The following ETV6 variants were observed in gnomAD, a reference collection of about 807,000 sequenced individuals.
ETV6 encodes transcription factor ETV6.
A neutral mutation model predicts 51.1 loss-of-function variants in ETV6; 16 were observed. That is an observed-to-expected ratio of 0.31 (90% CI 0.21 to 0.48). The LOEUF is 0.48. ETV6 is among the 20% of genes least tolerant of loss of function. ETV6 has a pLI of 0.99. For missense variants in ETV6, 458 were observed against 594.8 expected (o/e 0.77, Z 2.39); for synonymous variants, 240 against 224.1 (o/e 1.07, Z -0.64).
chr12:11,782,138 T>C (rs748653244), intron 2 of ETV6, among the ~76,000 whole-genome samples: 8 of 152,210 alleles, frequency 5.3e-5, no homozygotes, highest in Non-Finnish European at 8.8e-5. Context: ...TGTCAAGTTA[T>C]TTGCTGAAAT....
At chr12:11,885,802 A>G (rs1947174867) in intron 6 of ETV6, 124 bp from the exon 7 acceptor site, 1 of 664,998 alleles carries the variant, frequency 1.5e-6, no homozygotes, top group South Asian at 2.0e-5. Context: ...AGCTTCCCAA[A>G]CTGGCAGGGC....
intron 1 of ETV6, among the ~76,000 whole-genome samples, chr12:11,723,856 A>C (rs2856325): frequency 0.93 from 141,143 of 152,150 alleles, 66,215 homozygotes; most frequent in Non-Finnish European, 1. Flanking sequence ...AAAATCTTTA[A>C]AACGAGTATT....
At chr12:11,826,989 T>A (rs1017849567) in intron 2 of ETV6, among the ~76,000 whole-genome samples, 9 of 152,026 alleles carry the variant, frequency 5.9e-5, no homozygotes, top group African/African-American at 1.9e-4. Flanking sequence ...TTGATAGGTC[T>A]ATAAAAGCCA....
At chr12:11,755,208 T>C (rs1367393409) in intron 2 of ETV6, among the ~76,000 whole-genome samples, 1 of 152,250 alleles carries the variant, frequency 6.6e-6, no homozygotes, top group African/African-American at 2.4e-5. Context: ...CTATCTGTTG[T>C]TGAATGGCTT....
At chr12:11,690,523 C>T (rs918757532) in intron 1 of ETV6, among the ~76,000 whole-genome samples, 3 of 151,950 alleles carry the variant, frequency 2.0e-5, no homozygotes, top group Admixed American at 6.6e-5. Flanking sequence ...CTCAGGAGTT[C>T]GAGTCTGCAG....
At chr12:11,839,512 A>T (rs1418991661) in intron 3 of ETV6, among the ~76,000 whole-genome samples, 1 of 152,220 alleles carries the variant, frequency 6.6e-6, no homozygotes, top group Non-Finnish European at 1.5e-5. Context: ...AAGGGGGAGA[A>T]TTTTAAGTTT....
intron 1 of ETV6, among the ~76,000 whole-genome samples, chr12:11,663,664 T>C (rs1262512793): frequency 6.6e-6 from 1 of 152,192 alleles, no homozygotes; most frequent in East Asian, 1.9e-4. Flanking sequence ...GCAAGCTGTT[T>C]CTAAGAGCAT....
At chr12:11,850,087 C>T (rs1946527710) in intron 3 of ETV6, among the ~76,000 whole-genome samples, 1 of 152,186 alleles carries the variant, frequency 6.6e-6, no homozygotes. Context: ...CATGTTCCCA[C>T]CCGTAGCCGC....
intron 1 of ETV6, among the ~76,000 whole-genome samples, chr12:11,725,810 C>A (rs931094449): frequency 6.6e-6 from 1 of 152,182 alleles, no homozygotes; most frequent in Non-Finnish European, 1.5e-5. Context: ...TCTCTTGCCA[C>A]GTGATCTCTG....
At chr12:11,778,278 G>A (rs962867248) in intron 2 of ETV6, among the ~76,000 whole-genome samples, 1 of 152,328 alleles carries the variant, frequency 6.6e-6, no homozygotes, top group Admixed American at 6.5e-5. Context: ...GAATGACAGC[G>A]CCTTCCTGGG....
rs531222399 is a variant in ETV6, at chr12:11,893,028, G to A, written c.*1982G>A. 3 of 232,950 alleles carry A rather than the reference G, an allele frequency of 1.3e-5. No individual in the cohort carries two copies. The South Asian group carries it at 5.4e-4, about 42-fold the overall frequency. 14.4% of individuals were successfully genotyped at this position (232,950 alleles called of 1,614,324 possible). On this transcript the variant is annotated 3_prime_UTR_variant, in exon 8 of 8. Transcript: ENST00000396373. ...GGGAGGTCAGGGACCTTCTATATGA[G>A]GCGAGTGGGTCTCAGTCTGCTTGAA...
intron 7 of ETV6, 104 bp from the exon 8 acceptor site, chr12:11,890,837 T>C: frequency 2.3e-6 from 2 of 859,832 alleles, no homozygotes; most frequent in South Asian, 2.8e-5. Flanking sequence ...GCTCTCCAGC[T>C]GTATAAGATG....
intron 2 of ETV6, among the ~76,000 whole-genome samples, chr12:11,754,398 A>G (rs1366575607): frequency 6.6e-6 from 1 of 152,220 alleles, no homozygotes; most frequent in Non-Finnish European, 1.5e-5. Context: ...ACATCCCCCA[A>G]GGAGGCCCTC....
intron 5 of ETV6, among the ~76,000 whole-genome samples, chr12:11,876,268 A>C (rs1466691914): frequency 6.6e-6 from 1 of 152,200 alleles, no homozygotes; most frequent in Non-Finnish European, 1.5e-5. Flanking sequence ...TGCACTTTGG[A>C]TTATACAGTT....
intron 1 of ETV6, among the ~76,000 whole-genome samples, chr12:11,718,031 CA>C: frequency 6.6e-6 from 1 of 152,234 alleles, no homozygotes; most frequent in South Asian, 2.1e-4. Context: ...TTCTTCGAAA[CA>C]TGGGGGGAAA....
chr12:11,813,978 C>G lies in ETV6; in HGVS notation c.164-25162C>G, dbSNP rs138200118. ...ATTCTTACAAGGCATGAATTATTTC[C>G]TAGAAATGATTTAGGCTCTTTTGGA... On this transcript the variant is annotated intron_variant, in intron 2 of 7. Transcript: ENST00000396373. 9.2e-5 allele frequency among the ~76,000 whole-genome samples: 14 copies of G among 152,266 alleles called. No homozygotes were observed. In the East Asian group the frequency reaches 2.3e-3, roughly 25 times the overall value.
At chr12:11,799,707 T>C (rs886207924) in intron 2 of ETV6, among the ~76,000 whole-genome samples, 1 of 152,202 alleles carries the variant, frequency 6.6e-6, no homozygotes, top group African/African-American at 2.4e-5. Context: ...CCCTTCTTGG[T>C]CCCCAAACTG....
At chr12:11,674,864 G>A (rs976057871) in intron 1 of ETV6, among the ~76,000 whole-genome samples, 7 of 152,076 alleles carry the variant, frequency 4.6e-5, no homozygotes, top group East Asian at 3.8e-4. Context: ...GGCTGTGTCC[G>A]GATCCACCAA....
At chr12:11,889,769 A>C (rs1236051404) in intron 7 of ETV6, among the ~76,000 whole-genome samples, 1 of 152,242 alleles carries the variant, frequency 6.6e-6, no homozygotes, top group Non-Finnish European at 1.5e-5. Context: ...GAGCAGAGCA[A>C]AGGATGCACC....
Sources: allele counts gnomAD v4.1 joint callset (sites outside exome capture counted in the v4.1 genomes callset), GRCh38; gene constraint gnomAD v4.1.1; transcripts MANE v1.5; gene names NCBI Gene and HGNC (gene_info 2026-07-23, HGNC 2026-07-21).